Variants in FOXP2 observed in about 807,000 individuals in gnomAD.
FOXP2 encodes forkhead box protein P2.
FOXP2 carries 12 observed loss-of-function variants against 115.8 expected under a neutral mutation model. The ratio of observed to expected loss-of-function variants is 0.10; its 90% CI spans 0.07 to 0.17. FOXP2 has a LOEUF of 0.17. Ranked by LOEUF, FOXP2 falls within the 10% of genes least tolerant of loss-of-function variation. The pLI, the probability that FOXP2 is intolerant of heterozygous loss-of-function variation, is 1.00. For synonymous variants in FOXP2, 328 were observed against 297.7 expected (o/e 1.10, Z -1.05); for missense variants, 629 against 843.5 (o/e 0.75, Z 3.15).
intron 1 of FOXP2, among the ~76,000 whole-genome samples, chr7:114,186,118 A>C (rs1003033408): frequency 6.6e-6 from 1 of 152,136 alleles, no homozygotes; most frequent in Non-Finnish European, 1.5e-5. Flanking sequence ...ATGGCAACTG[A>C]ATTTTAGCAT....
intron 2 of FOXP2, among the ~76,000 whole-genome samples, chr7:114,504,011 A>T (rs911368865): frequency 4.0e-5 from 6 of 151,736 alleles, no homozygotes; most frequent in Non-Finnish European, 8.9e-5. Flanking sequence ...GGAAGTTCAA[A>T]TGCCAAATAT....
At chr7:114,286,324 G>A (rs1013642043) in intron 1 of FOXP2, among the ~76,000 whole-genome samples, 1 of 151,666 alleles carries the variant, frequency 6.6e-6, no homozygotes, top group African/African-American at 2.4e-5. Context: ...CTTCATTTTT[G>A]AACTTTACTT....
chr7:114,411,704 T>C (rs1340113099), upstream of FOXP2, among the ~76,000 whole-genome samples: 5 of 152,122 alleles, frequency 3.3e-5, no homozygotes, highest in Non-Finnish European at 7.4e-5. Flanking sequence ...TCAAGATTGG[T>C]ATTTAATCAG....
At chr7:114,182,188 C>A (rs1474460190) in intron 1 of FOXP2, among the ~76,000 whole-genome samples, 3 of 151,712 alleles carry the variant, frequency 2.0e-5, no homozygotes, top group Non-Finnish European at 4.4e-5. Flanking sequence ...GGTGTCTTAT[C>A]TCTTCAAAAC....
intron 2 of FOXP2, among the ~76,000 whole-genome samples, chr7:114,307,986 A>C (rs147865351): frequency 1.3e-5 from 2 of 152,130 alleles, no homozygotes; most frequent in Non-Finnish European, 1.5e-5. Flanking sequence ...CACTAGATCT[A>C]GGAGGGAAGG....
chr7:114,102,732 A>ACACACACACACC (rs757957770), intron 1 of FOXP2, among the ~76,000 whole-genome samples: 88 of 146,200 alleles, frequency 6.0e-4, no homozygotes, highest in African/African-American at 2.0e-3. Flanking sequence ...ACACACACAC[A>ACACACACACACC]CCCCAATGGT....
intron 3 of FOXP2, among the ~76,000 whole-genome samples, chr7:114,589,629 G>A (rs1348003678): frequency 6.6e-6 from 1 of 152,138 alleles, no homozygotes; most frequent in African/African-American, 2.4e-5. Flanking sequence ...TATCCTGGGG[G>A]CAAAAGCCAT....
intron 1 of FOXP2, among the ~76,000 whole-genome samples, chr7:114,204,290 C>CT (rs1276211749): frequency 1.3e-5 from 2 of 151,970 alleles, no homozygotes; most frequent in African/African-American, 4.8e-5. Flanking sequence ...TTTATTTTAC[C>CT]TTTTTTTGAA....
chr7:114,155,177 C>A (rs1792630245), intron 1 of FOXP2, among the ~76,000 whole-genome samples: 1 of 151,998 alleles, frequency 6.6e-6, no homozygotes, highest in Non-Finnish European at 1.5e-5. Flanking sequence ...AATTATAAGA[C>A]CCCCAACTGA....
At chr7:114,611,059 G>A (rs1326796408) in intron 3 of FOXP2, among the ~76,000 whole-genome samples, 4 of 152,144 alleles carry the variant, frequency 2.6e-5, no homozygotes, top group Non-Finnish European at 4.4e-5. Context: ...TATTTCATCC[G>A]TATCTTTGTG....
chr7:114,648,495 G>T (rs905864104), intron 8 of FOXP2, among the ~76,000 whole-genome samples: 1 of 152,178 alleles, frequency 6.6e-6, no homozygotes, highest in South Asian at 2.1e-4. Flanking sequence ...AACTTTAAAT[G>T]AATATGAAAA....
chr7:114,308,518 G>A (rs968537863), intron 2 of FOXP2, among the ~76,000 whole-genome samples: 3 of 152,116 alleles, frequency 2.0e-5, no homozygotes, highest in Admixed American at 1.3e-4. Context: ...GGTCAAAGGC[G>A]ATAAACCCTT....
At chr7:114,221,521 T>C (rs1030580485) in intron 1 of FOXP2, among the ~76,000 whole-genome samples, 7 of 152,128 alleles carry the variant, frequency 4.6e-5, no homozygotes, top group Non-Finnish European at 1.0e-4. Context: ...TAAGTAGCAC[T>C]TTTTCCATGT....
At chr7:114,493,522 T>C (rs1284082147) in intron 2 of FOXP2, among the ~76,000 whole-genome samples, 2 of 152,186 alleles carry the variant, frequency 1.3e-5, no homozygotes, top group East Asian at 3.8e-4. Flanking sequence ...AATAGTGCTG[T>C]GCTCCTAAAT....
chr7:114,359,797 C>T (rs1199468449), intron 2 of FOXP2, among the ~76,000 whole-genome samples: 3 of 152,184 alleles, frequency 2.0e-5, no homozygotes, highest in Non-Finnish European at 4.4e-5. Context: ...CCCATTGTAT[C>T]TAGGAAGTAA....
At chr7:114,612,161 C>T (rs1237673701) in intron 3 of FOXP2, among the ~76,000 whole-genome samples, 28 of 151,706 alleles carry the variant, frequency 1.8e-4, no homozygotes, top group Admixed American at 1.8e-3. Flanking sequence ...AGACACTGGC[C>T]CCTTAGGAAC....
In FOXP2 at chr7:114,195,603, G is replaced by A. The variant is rs185615997; in HGVS notation, c.-102+32515G>A. Reference sequence around the variant, plus strand: ...TGAAGCTTTATTCTTAAAGCTAACTGTAACAGTTGTTTTTCCCTCTTATTT... The same window carrying A: ...TGAAGCTTTATTCTTAAAGCTAACTATAACAGTTGTTTTTCCCTCTTATTT... On this transcript the variant is annotated intron_variant, in intron 1 of 17. Coordinates refer to the FOXP2 transcript ENST00000634411. 4.3e-4 allele frequency among the ~76,000 whole-genome samples: 65 copies of A among 152,172 alleles called. 1 individual carries two copies. The highest frequency in any genetic ancestry group is 1.5e-3 in the African/African-American group (64 of 41,526).
At chr7:114,589,182 C>T (rs1217997606) in intron 3 of FOXP2, among the ~76,000 whole-genome samples, 1 of 152,024 alleles carries the variant, frequency 6.6e-6, no homozygotes, top group Non-Finnish European at 1.5e-5. Context: ...GGATTGTCTG[C>T]TTCATCTCTC....
At chr7:114,641,831 A>C (rs1352618583) in intron 6 of FOXP2, among the ~76,000 whole-genome samples, 2 of 151,388 alleles carry the variant, frequency 1.3e-5, no homozygotes, top group Admixed American at 1.3e-4. Flanking sequence ...TGTTTGAGAG[A>C]GGGTCTCACT....
Sources: allele counts gnomAD v4.1 joint callset (sites outside exome capture counted in the v4.1 genomes callset), GRCh38; gene constraint gnomAD v4.1.1; transcripts MANE v1.5; gene names NCBI Gene and HGNC (gene_info 2026-07-23, HGNC 2026-07-21).